Variants in TRRAP observed in about 807,000 individuals in gnomAD.
The protein encoded by TRRAP is transformation/transcription domain-associated protein.
TRRAP carries 41 observed loss-of-function variants against 438.8 expected under a neutral mutation model. The observed-to-expected ratio is 0.09, with a 90% CI of 0.07 to 0.12. The LOEUF is 0.12. Among genes scored for constraint, TRRAP ranks in the 10% least tolerant of loss-of-function variants. TRRAP has a pLI of 1.00. For missense variants in TRRAP, 3,122 were observed against 5,055.1 expected (o/e 0.62, Z 11.60); for synonymous variants, 1,994 against 1,962.9 (o/e 1.02, Z -0.42).
chr7:98,885,709 A>G (rs2116256028), intron 3 of TRRAP, among the ~76,000 whole-genome samples: 1 of 152,232 alleles, frequency 6.6e-6, no homozygotes, highest in East Asian at 1.9e-4. Flanking sequence ...GCAGAAGAGT[A>G]TACCCTGCAT....
At chr7:98,901,572 A>G (rs1000888796) in intron 11 of TRRAP, among the ~76,000 whole-genome samples, 1 of 152,222 alleles carries the variant, frequency 6.6e-6, no homozygotes, top group Non-Finnish European at 1.5e-5. Context: ...TTTTTGAGAT[A>G]GAATCTCACT....
rs1385834013 is a variant in TRRAP at position 99,008,441 on chromosome 7, C to G, written c.10818C>G (p.Ser3606=). Residue 3606 remains serine (S), a synonymous_variant, in exon 70 of 73, where the codon TCC becomes TCG. Coordinates refer to ENST00000456197, the MANE Select transcript of TRRAP (RefSeq NM_001375524.1). The part of the protein sequence containing the change: ...RLVEDNPSSL[S]LVEIYKQRCA... ...TGGAGGACAACCCCTCTTCACTTTC[C>G]CTTGTGGAGATCTACAAGCAGCGCT... 1.9e-6 allele frequency: 3 copies of G among 1,613,978 alleles called. No individual in the cohort carries two copies. Among genetic ancestry groups the G allele is most frequent in the Non-Finnish European group, 2.5e-6 (3 of 1,180,020 alleles).
Position 98,930,627 on chromosome 7 carries a change from C to T in TRRAP, c.3394-6C>T. ...CGTGTTGTGGTTTGTTCATTTTCCT[C>T]TCCAGGCCTGCCAGCTGCCCCTGTT... is the stretch of plus-strand genomic sequence containing the variant. On this transcript the variant is annotated splice_polypyrimidine_tract_variant and splice_region_variant and intron_variant, in intron 24 of 72. Transcript: ENST00000456197. The T allele has an allele frequency of 6.2e-7, 1 of 1,613,168 alleles. No individual in the cohort carries two copies. Among genetic ancestry groups the T allele is most frequent in the Non-Finnish European group, 8.5e-7 (1 of 1,179,966 alleles).
rs1378048602 is a variant in TRRAP at position 98,910,097 on chromosome 7, C to G, written c.1392C>G (p.Leu464=). The part of the protein sequence containing the change: ...LKFHTIARYQ[L]SAIFKKCKPQ... The stretch of plus-strand genomic sequence containing the variant: ...TCCACACAATTGCTCGGTACCAGCT[C>G]TCTGCCATTTTTAAGAAGTGTAAGC... Residue 464 remains leucine (L), a synonymous_variant, in exon 15 of 73, where the codon CTC becomes CTG. Transcript: ENST00000456197. The G allele has an allele frequency of 1.0e-5, 16 of 1,586,526 alleles. No individual in the cohort carries two copies. Among genetic ancestry groups the G allele is most frequent in the Non-Finnish European group, 1.3e-5 (15 of 1,167,136 alleles).
At chr7:98,922,081 G>C in intron 21 of TRRAP, 128 bp downstream of exon 21, 1 of 1,292,246 alleles carries the variant, frequency 7.7e-7, no homozygotes, top group Non-Finnish European at 1.1e-6. Flanking sequence ...TCAGGTGATC[G>C]GCCTGGTTGG....
At chr7:98,991,343 G>C (rs1178091719) in intron 64 of TRRAP, among the ~76,000 whole-genome samples, 1 of 152,190 alleles carries the variant, frequency 6.6e-6, no homozygotes. Context: ...GGGCCCGCGC[G>C]TTCTGCCCAC....
At chr7:98,900,589 T>C (rs1554406516) in intron 10 of TRRAP, 35 bp from the exon 11 acceptor site, 1 of 1,549,840 alleles carries the variant, frequency 6.5e-7, no homozygotes, top group Admixed American at 1.8e-5. Flanking sequence ...TCACTCATAA[T>C]TGAGAGGTAA....
At chr7:98,927,935 C>T (rs1012147008) in intron 23 of TRRAP, among the ~76,000 whole-genome samples, 35 of 152,132 alleles carry the variant, frequency 2.3e-4, no homozygotes, top group African/African-American at 8.5e-4. Flanking sequence ...TAGGTGATGT[C>T]TTTGTAAAAG....
At chr7:98,965,037 G>C (rs960416401) in intron 48 of TRRAP, among the ~76,000 whole-genome samples, 2 of 152,244 alleles carry the variant, frequency 1.3e-5, no homozygotes, top group Admixed American at 6.5e-5. Flanking sequence ...GATTGCATGA[G>C]GCCCAGAGTT....
At chr7:98,957,944 C>T (rs782608690) in intron 43 of TRRAP, 37 bp from the exon 44 acceptor site, 47 of 1,582,320 alleles carry the variant, frequency 3.0e-5, no homozygotes, top group South Asian at 6.8e-5. Flanking sequence ...ATTAGTGTTG[C>T]GATTCTCTTC....
intron 18 of TRRAP, among the ~76,000 whole-genome samples, chr7:98,912,835 GA>G (rs1177886267): frequency 4.0e-5 from 6 of 150,050 alleles, no homozygotes; most frequent in African/African-American, 1.2e-4. Context: ...GCTTTTCAGG[GA>G]AAAAAAAACA....
intron 22 of TRRAP, 83 bp from the exon 23 acceptor site, chr7:98,927,083 AT>A: frequency 2.7e-6 from 4 of 1,457,164 alleles, no homozygotes; most frequent in Non-Finnish European, 3.8e-6. Flanking sequence ...AAGCAAGCAG[AT>A]TAAAAATTTG....
chr7:98,911,875 T>C (rs987584098), intron 17 of TRRAP, 147 bp from the exon 18 acceptor site: 7 of 671,160 alleles, frequency 1.0e-5, no homozygotes, highest in Non-Finnish European at 1.7e-5. Flanking sequence ...AGTAAACCCG[T>C]TTCATTTTTT....
At chr7:98,906,155 G>A (rs782796440) in intron 12 of TRRAP, 22 bp from the exon 13 acceptor site, 4 of 1,609,506 alleles carry the variant, frequency 2.5e-6, no homozygotes, top group Non-Finnish European at 3.4e-6. Context: ...AGTGATCTGT[G>A]CAATGGATGT....
intron 58 of TRRAP, among the ~76,000 whole-genome samples, chr7:98,980,039 C>A (rs1472086587): frequency 6.6e-6 from 1 of 152,148 alleles, no homozygotes; most frequent in Non-Finnish European, 1.5e-5. Context: ...ATGTTCGAGT[C>A]CAGACCCTGT....
chr7:98,882,073 T>C (rs1018234651), intron 3 of TRRAP, 49 bp downstream of exon 3: 49 of 1,502,070 alleles, frequency 3.3e-5, no homozygotes, highest in African/African-American at 5.6e-5. Flanking sequence ...AATATTCTTA[T>C]TCACTTTCCT....
rs751152549 is a variant in TRRAP, at chr7:98,964,636, T to C, written c.6837T>C (p.Leu2279=). The C allele has an allele frequency of 1.2e-5, 19 of 1,612,628 alleles. No individual in the cohort carries two copies. Among genetic ancestry groups the C allele is most frequent in the Non-Finnish European group, 1.6e-5 (19 of 1,179,618 alleles). Residue 2279 remains leucine, a synonymous_variant, in exon 48 of 73, where the codon CTT becomes CTC. Coordinates refer to ENST00000456197, the MANE Select transcript of TRRAP (RefSeq NM_001375524.1). ...NANPSQLFGT[L]MILKSACSNN... is the part of the protein sequence containing the mutation. Reference sequence around the variant, plus strand: ...GCAATTTCTACATTTTAGGGACCCTTATGATCCTCAAGTCTGCCTGCAGCA... The same window carrying C: ...GCAATTTCTACATTTTAGGGACCCTCATGATCCTCAAGTCTGCCTGCAGCA...
chr7:98,888,862 T>A (rs2116279963), intron 3 of TRRAP, among the ~76,000 whole-genome samples: 1 of 152,312 alleles, frequency 6.6e-6, no homozygotes, highest in Admixed American at 6.5e-5. Flanking sequence ...CTGTCTTCCT[T>A]CTGCTGCTGC....
intron 61 of TRRAP, 91 bp from the exon 62 acceptor site, chr7:98,984,851 CAT>C (rs1793085717): frequency 1.4e-6 from 1 of 738,378 alleles, no homozygotes; most frequent in Non-Finnish European, 2.3e-6. Flanking sequence ...GTCAATGACT[CAT>C]AGGACTTACT....
Sources: gnomAD v4.1 joint callset for allele counts (sites outside exome capture counted in the v4.1 genomes callset) on GRCh38, gnomAD v4.1.1 for gene constraint, MANE v1.5 for transcripts, NCBI Gene and HGNC (gene_info 2026-07-23, HGNC 2026-07-21) for gene names.